FAM13A: variants seen among roughly 807,000 people sequenced by gnomAD.
FAM13A encodes the protein family with sequence similarity 13 member A.
FAM13A carries 76 observed loss-of-function variants against 129.6 expected under a neutral mutation model. That is an observed-to-expected ratio of 0.59 (90% CI 0.49 to 0.71). The LOEUF is 0.71. Ranked by LOEUF, FAM13A falls within the 30% of genes least tolerant of loss-of-function variation. The pLI is 0.00. For missense variants in FAM13A, 1,108 were observed against 1,249.3 expected, an observed-to-expected ratio of 0.89 and a Z score of 1.70; for synonymous variants, 443 against 449.9, an observed-to-expected ratio of 0.98 and a Z score of 0.20.
At chr4:88,735,031 G>A (rs555599338) in intron 21 of FAM13A, among the ~76,000 whole-genome samples, 1 of 152,320 alleles carries the variant, frequency 6.6e-6, no homozygotes, top group South Asian at 2.1e-4. Context: ...ACACAGCAGA[G>A]CTAGGAGACC....
intron 3 of FAM13A, among the ~76,000 whole-genome samples, chr4:89,012,168 T>G (rs1765820515): frequency 6.6e-6 from 1 of 152,220 alleles, no homozygotes; most frequent in Non-Finnish European, 1.5e-5. Context: ...CTGCAATCTT[T>G]TTATGGCTTA....
rs759114869 is a variant in FAM13A, at chr4:89,020,481, G to A, written c.406C>T (p.Arg136Ter). Reference sequence around the variant, plus strand: ...TAACCCTGAAAGAGTTGAATGAATCGAGGCTGCAACGCTGAGGTGATCAGA... The same window carrying A: ...TAACCCTGAAAGAGTTGAATGAATCAAGGCTGCAACGCTGAGGTGATCAGA... ...DSLITSALQPRFIQLFQDGRN... is the reference protein window; with the variant it reads ...DSLITSALQP Residue 136 changes from arginine to a stop codon, truncating the protein, a stop_gained, in exon 3 of 24, where the codon CGA (arginine) becomes TGA (stop). Coordinates refer to ENST00000264344, the MANE Select transcript of FAM13A (RefSeq NM_014883.4). LOFTEE classifies it high-confidence loss of function. 5.6e-6 allele frequency: 9 copies of A among 1,613,514 alleles called. No homozygotes were observed. The highest frequency in any genetic ancestry group is 5.0e-5 in the Admixed American group (3 of 59,960).
intron 9 of FAM13A, among the ~76,000 whole-genome samples, chr4:88,788,582 A>C (rs1421566576): frequency 1.3e-5 from 2 of 152,186 alleles, no homozygotes; most frequent in Non-Finnish European, 2.9e-5. Flanking sequence ...GGATAGATTT[A>C]CTTTGTTCAA....
chr4:88,912,606 T>A (rs1424467190), intron 5 of FAM13A, among the ~76,000 whole-genome samples: 1 of 145,778 alleles, frequency 6.9e-6, no homozygotes, highest in Admixed American at 6.8e-5. Context: ...CACACACACC[T>A]CCTATTGGTT....
chr4:88,892,274 G>T (rs986886362), intron 6 of FAM13A, among the ~76,000 whole-genome samples: 1 of 148,362 alleles, frequency 6.7e-6, no homozygotes, highest in Non-Finnish European at 1.5e-5. Flanking sequence ...CCACCTCCCG[G>T]GTTCACACCA....
chr4:88,797,274 T>G (rs534652184), intron 8 of FAM13A, among the ~76,000 whole-genome samples: 6 of 51,698 alleles, frequency 1.2e-4, no homozygotes, highest in East Asian at 1.0e-3. Flanking sequence ...GTTTTGTGGG[T>G]TTTTTTTTTT....
chr4:88,844,174 G>A (rs958517214), intron 7 of FAM13A, among the ~76,000 whole-genome samples: 1 of 152,158 alleles, frequency 6.6e-6, no homozygotes, highest in African/African-American at 2.4e-5. Context: ...GGACACAAAA[G>A]AGACCTTAGA....
intron 19 of FAM13A, among the ~76,000 whole-genome samples, chr4:88,745,952 G>T (rs1420119772): frequency 6.6e-6 from 1 of 151,914 alleles, no homozygotes; most frequent in East Asian, 1.9e-4. Flanking sequence ...CATGTGTCAG[G>T]TCTTGTGCTA....
At chr4:88,824,822 C>T (rs1255677589) in intron 7 of FAM13A, among the ~76,000 whole-genome samples, 2 of 151,968 alleles carry the variant, frequency 1.3e-5, no homozygotes, top group Non-Finnish European at 2.9e-5. Flanking sequence ...ATTCTCCTTC[C>T]TCAGCCTCCC....
At chr4:88,799,807 T>C (rs1727060451) in intron 8 of FAM13A, among the ~76,000 whole-genome samples, 1 of 152,146 alleles carries the variant, frequency 6.6e-6, no homozygotes, top group Admixed American at 6.5e-5. Context: ...GCTGAGTATA[T>C]ACCCAACAGA....
chr4:88,756,632 C>T (rs1183253925), intron 14 of FAM13A, among the ~76,000 whole-genome samples: 1 of 152,146 alleles, frequency 6.6e-6, no homozygotes, highest in Non-Finnish European at 1.5e-5. Context: ...TATTTTGTTG[C>T]ACTGGCTTCA....
At chr4:88,783,239 T>C (rs937217010) in intron 10 of FAM13A, among the ~76,000 whole-genome samples, 7 of 152,164 alleles carry the variant, frequency 4.6e-5, no homozygotes, top group African/African-American at 1.4e-4. Context: ...TATGTTTTCG[T>C]ATCCATTAAC....
intron 1 of FAM13A, among the ~76,000 whole-genome samples, chr4:89,046,850 C>T (rs542392573): frequency 6.7e-6 from 1 of 150,088 alleles, no homozygotes; most frequent in African/African-American, 2.5e-5. Context: ...GGCCCTATCT[C>T]GAAAAGAAAA....
At position 88,942,561 on chromosome 4, in the gene FAM13A, C is replaced by T. The variant is rs113641094; in HGVS notation, c.606-4320G>A. Among the ~76,000 whole-genome samples, 593 of 150,188 alleles carry T rather than the reference C, an allele frequency of 3.9e-3. 3 individuals are homozygous for T. The highest frequency in any genetic ancestry group is 0.014 in the African/African-American group (572 of 40,768). Reference sequence around the variant, plus strand: ...CAGCCAGGGTAACAGAGCAAGACTCCATCTCAAAAAATAAATAAATAAATA... The same window carrying T: ...CAGCCAGGGTAACAGAGCAAGACTCTATCTCAAAAAATAAATAAATAAATA... On this transcript the variant is annotated intron_variant, in intron 4 of 23. Coordinates refer to ENST00000264344, the MANE Select transcript of FAM13A (RefSeq NM_014883.4).
intron 8 of FAM13A, among the ~76,000 whole-genome samples, chr4:88,793,676 A>G (rs1725621789): frequency 6.6e-6 from 1 of 152,016 alleles, no homozygotes; most frequent in Non-Finnish European, 1.5e-5. Context: ...AGGTCTGGCT[A>G]GTGATCTCTG....
intron 7 of FAM13A, 72 bp downstream of exon 7, chr4:88,850,948 C>CTACA: frequency 1.5e-6 from 2 of 1,357,840 alleles, no homozygotes; most frequent in East Asian, 4.6e-5. Context: ...GCAGAAATAC[C>CTACA]TACATATGCG....
chr4:88,856,689 A>C (rs1287557912), intron 6 of FAM13A, among the ~76,000 whole-genome samples: 1 of 152,188 alleles, frequency 6.6e-6, no homozygotes, highest in Admixed American at 6.5e-5. Flanking sequence ...AGTAGCACTA[A>C]CTTTTAACAC....
chr4:88,841,844 A>G (rs905984354), intron 7 of FAM13A, among the ~76,000 whole-genome samples: 1 of 152,192 alleles, frequency 6.6e-6, no homozygotes, highest in African/African-American at 2.4e-5. Flanking sequence ...CTGCTTTGTC[A>G]TTCCTCAAAA....
intron 3 of FAM13A, among the ~76,000 whole-genome samples, chr4:89,014,624 C>G (rs1766215220): frequency 6.6e-6 from 1 of 152,152 alleles, no homozygotes; most frequent in Non-Finnish European, 1.5e-5. Flanking sequence ...TTTATAATTT[C>G]TTACACCTGT....
Sources: gnomAD v4.1 joint callset for allele counts (sites outside exome capture counted in the v4.1 genomes callset) on GRCh38, gnomAD v4.1.1 for gene constraint, MANE v1.5 for transcripts, NCBI Gene and HGNC (gene_info 2026-07-23, HGNC 2026-07-21) for gene names.